Variants in EPHA6 observed in about 807,000 individuals in gnomAD.
EPHA6 encodes ephrin type-A receptor 6.
Under a neutral mutation model 112.0 loss-of-function variants are expected in EPHA6, and 50 were observed. The observed-to-expected ratio is 0.45, with a 90% CI of 0.36 to 0.56. EPHA6 has a LOEUF of 0.56. EPHA6 is among the 20% of genes least tolerant of loss of function. EPHA6 has a pLI of 0.00. For missense variants in EPHA6, 1,280 were observed against 1,417.4 expected, an observed-to-expected ratio of 0.90 and a Z score of 1.56; for synonymous variants, 529 against 490.7, an observed-to-expected ratio of 1.08 and a Z score of -1.03.
At chr3:97,704,336 T>C (rs963495980) in intron 14 of EPHA6, among the ~76,000 whole-genome samples, 3 of 152,178 alleles carry the variant, frequency 2.0e-5, no homozygotes, top group African/African-American at 2.4e-5. Flanking sequence ...ACCCAATCCA[T>C]TGAGACCTTG....
chr3:96,929,628 C>T (rs2040214506), intron 2 of EPHA6, among the ~76,000 whole-genome samples: 1 of 152,156 alleles, frequency 6.6e-6, no homozygotes. Flanking sequence ...TGTAGGTGAC[C>T]TGGCCTTTCT....
intron 3 of EPHA6, among the ~76,000 whole-genome samples, chr3:97,174,481 C>T (rs1015562297): frequency 1.6e-4 from 25 of 151,894 alleles, no homozygotes; most frequent in African/African-American, 6.0e-4. Context: ...CTAAACTGTT[C>T]TCCATAGTGC....
intron 1 of EPHA6, among the ~76,000 whole-genome samples, chr3:96,843,595 C>T (rs1369287707): frequency 6.6e-6 from 1 of 151,942 alleles, no homozygotes; most frequent in Non-Finnish European, 1.5e-5. Flanking sequence ...TGTGAGCCTG[C>T]AGAATTCGTT....
chr3:97,401,944 A>G (rs991394063), intron 5 of EPHA6, among the ~76,000 whole-genome samples: 2 of 151,786 alleles, frequency 1.3e-5, no homozygotes, highest in African/African-American at 4.8e-5. Flanking sequence ...ATTTTGTTTA[A>G]TTTCCACGTG....
At chr3:97,730,490 A>G (rs1421695269) in intron 15 of EPHA6, among the ~76,000 whole-genome samples, 1 of 151,976 alleles carries the variant, frequency 6.6e-6, no homozygotes, top group African/African-American at 2.4e-5. Context: ...ACCTTGTATA[A>G]CTCTTCTTCC....
intron 2 of EPHA6, among the ~76,000 whole-genome samples, chr3:96,938,157 A>G (rs2107676758): frequency 6.6e-6 from 1 of 152,174 alleles, no homozygotes; most frequent in East Asian, 1.9e-4. Context: ...AGTCATTGGT[A>G]GCTTGATGGG....
intron 5 of EPHA6, among the ~76,000 whole-genome samples, chr3:97,314,687 A>G (rs1210564594): frequency 6.6e-6 from 1 of 151,748 alleles, no homozygotes; most frequent in Non-Finnish European, 1.5e-5. Context: ...ATGGGAAGAA[A>G]CAAATTAAGT....
chr3:97,645,844 G>C (rs962117258), intron 14 of EPHA6, among the ~76,000 whole-genome samples: 1 of 151,742 alleles, frequency 6.6e-6, no homozygotes, highest in Non-Finnish European at 1.5e-5. Context: ...TTTTTCTCTT[G>C]CTGTGTAACT....
intron 4 of EPHA6, among the ~76,000 whole-genome samples, chr3:97,229,954 A>G (rs937688543): frequency 2.0e-5 from 3 of 152,076 alleles, no homozygotes; most frequent in African/African-American, 7.2e-5. Context: ...TTTCTCACTT[A>G]TGGAAAAAAG....
At chr3:96,864,801 C>T (rs543524737) in intron 1 of EPHA6, among the ~76,000 whole-genome samples, 2 of 152,062 alleles carry the variant, frequency 1.3e-5, no homozygotes, top group East Asian at 1.9e-4. Flanking sequence ...ATTTGAATCT[C>T]GGCTTCTTTT....
chr3:97,486,678 C>A (rs2091707497), intron 10 of EPHA6, among the ~76,000 whole-genome samples: 1 of 152,154 alleles, frequency 6.6e-6, no homozygotes, highest in African/African-American at 2.4e-5. Context: ...CTTTAAGGTC[C>A]CACCTCTAAA....
chr3:97,601,975 C>A (rs1362195942), intron 12 of EPHA6, among the ~76,000 whole-genome samples: 2 of 151,960 alleles, frequency 1.3e-5, no homozygotes, highest in African/African-American at 4.8e-5. Context: ...TAAAGCGTAG[C>A]ATTTGAAATA....
At chr3:97,431,870 G>A (rs940749295) in intron 6 of EPHA6, among the ~76,000 whole-genome samples, 2 of 151,998 alleles carry the variant, frequency 1.3e-5, no homozygotes, top group African/African-American at 2.4e-5. Flanking sequence ...AACAGATAGC[G>A]GTACCTGCCA....
intron 5 of EPHA6, among the ~76,000 whole-genome samples, chr3:97,282,125 T>G (rs2080306841): frequency 6.6e-6 from 1 of 152,184 alleles, no homozygotes; most frequent in Non-Finnish European, 1.5e-5. Flanking sequence ...TTATAATATT[T>G]ACAGTGTCCA....
At chr3:96,946,260 G>C (rs1235837103) in intron 2 of EPHA6, among the ~76,000 whole-genome samples, 1 of 151,804 alleles carries the variant, frequency 6.6e-6, no homozygotes, top group African/African-American at 2.4e-5. Flanking sequence ...TGCCATATTG[G>C]TGTGCTGCAC....
intron 3 of EPHA6, among the ~76,000 whole-genome samples, chr3:97,147,509 T>C (rs1052495432): frequency 1.3e-5 from 2 of 152,158 alleles, no homozygotes; most frequent in African/African-American, 4.8e-5. Flanking sequence ...TCATCTTGAT[T>C]ACTTTTCTTG....
rs527430457 is a variant in EPHA6, at chr3:97,512,422, T to A, written c.2201-19936T>A. ...TAAATAGTAATTCAGGACACTTTTT[T>A]AAAATCAAAATAATTATTTGAATAT... is the stretch of plus-strand genomic sequence containing the variant. On this transcript the variant is annotated intron_variant, in intron 10 of 17. Transcript: ENST00000389672. Among the ~76,000 whole-genome samples the A allele has an allele frequency of 2.9e-4, 44 of 152,330 alleles. No individual in the cohort carries two copies. The South Asian group carries it at 8.7e-3, about 30-fold the overall frequency.
chr3:96,999,122 AC>A (rs577884838), intron 3 of EPHA6, among the ~76,000 whole-genome samples: 3 of 151,934 alleles, frequency 2.0e-5, no homozygotes, highest in Non-Finnish European at 4.4e-5. Context: ...TGTGTTGCCT[AC>A]ATTTCTAAGC....
chr3:97,431,749 A>T (rs570384802), intron 6 of EPHA6, among the ~76,000 whole-genome samples: 1 of 152,114 alleles, frequency 6.6e-6, no homozygotes, highest in Non-Finnish European at 1.5e-5. Context: ...CTTTTAAAAG[A>T]CCACCAGATA....
Sources: gnomAD v4.1 joint callset for allele counts (sites outside exome capture counted in the v4.1 genomes callset) on GRCh38, gnomAD v4.1.1 for gene constraint, MANE v1.5 for transcripts, NCBI Gene and HGNC (gene_info 2026-07-23, HGNC 2026-07-21) for gene names.